The following MAN2A1 variants were observed in gnomAD, a reference collection of about 807,000 sequenced individuals.
MAN2A1 encodes mannosidase alpha class 2A member 1.
Under a neutral mutation model 142.6 loss-of-function variants are expected in MAN2A1, and 76 were observed. The observed-to-expected ratio is 0.53, with a 90% CI of 0.44 to 0.65. The LOEUF (loss-of-function observed/expected upper bound fraction) is 0.65, where lower values mean the gene tolerates loss of function less well. Ranked by LOEUF, MAN2A1 falls within the 30% of genes least tolerant of loss-of-function variation. The probability of loss-of-function intolerance (pLI) is 0.00; values close to 1 mark genes in which losing one functional copy is unlikely to be tolerated. For missense variants in MAN2A1, 1,311 were observed against 1,365.1 expected (o/e 0.96, Z 0.62); for synonymous variants, 559 against 473.2 (o/e 1.18, Z -2.35).
chr5:109,838,637 A>T (rs1370448395), intron 16 of MAN2A1, among the ~76,000 whole-genome samples: 1 of 152,190 alleles, frequency 6.6e-6, no homozygotes, highest in African/African-American at 2.4e-5. Context: ...TAAAAAAATA[A>T]TAAATTATCA....
rs373408616 is a variant in MAN2A1 at position 109,842,413 on chromosome 5, T to C, written c.2652T>C (p.Ser884=). The change falls in exon 17 of 22, where the codon TCT becomes TCC. Residue 884 remains serine, a synonymous_variant. Transcript: ENST00000261483. ...GTGAGATTGCAATGAAAATTTCTTC[T>C]GATATAAAAAGCCAAAATAGATTTT... ...YNREIAMKIS[S]DIKSQNRFYT... 1 of 1,589,398 alleles carries C rather than the reference T, an allele frequency of 6.3e-7. No individual in the cohort carries two copies. The highest frequency in any genetic ancestry group is 1.3e-5 in the African/African-American group (1 of 74,222).
chr5:109,746,070 G>A (rs1752396098), intron 4 of MAN2A1, among the ~76,000 whole-genome samples: 1 of 152,192 alleles, frequency 6.6e-6, no homozygotes, highest in African/African-American at 2.4e-5. Flanking sequence ...TGCCTCCCAG[G>A]TTCAAGCAGT....
chr5:109,782,753 A>C (rs1753494602), intron 9 of MAN2A1, among the ~76,000 whole-genome samples: 1 of 152,142 alleles, frequency 6.6e-6, no homozygotes. Flanking sequence ...TATGCCAGAA[A>C]AATGTCTCAT....
At chr5:109,809,120 A>G (rs77896549) in intron 12 of MAN2A1, among the ~76,000 whole-genome samples, 3,157 of 152,282 alleles carry the variant, frequency 0.021, 54 homozygotes, top group Non-Finnish European at 0.032. Flanking sequence ...TGTATAAAGT[A>G]TGAAAAATAA....
At chr5:109,848,481 C>A (rs936684806) in intron 19 of MAN2A1, among the ~76,000 whole-genome samples, 3 of 152,184 alleles carry the variant, frequency 2.0e-5, no homozygotes, top group African/African-American at 7.2e-5. Flanking sequence ...CTCTTTTCAG[C>A]CAGTGATCGT....
At chr5:109,807,370 A>G (rs1351772859) in intron 12 of MAN2A1, among the ~76,000 whole-genome samples, 1 of 152,224 alleles carries the variant, frequency 6.6e-6, no homozygotes, top group African/African-American at 2.4e-5. Context: ...TAAATTACCA[A>G]CAAACTTAAT....
rs369253255 is a variant in MAN2A1, at chr5:109,759,660, C to T, written c.835+4204C>T. The stretch of plus-strand genomic sequence containing the variant: ...GCTATAGGATAAGTTTATGTTGCAG[C>T]TTATGTGAACTTTGAAAGAGTTTTC... On this transcript the variant is annotated intron_variant, in intron 5 of 21. Coordinates refer to ENST00000261483, the MANE Select transcript of MAN2A1 (RefSeq NM_002372.4). 9.2e-5 allele frequency among the ~76,000 whole-genome samples: 14 copies of T among 152,244 alleles called. 1 individual carries two copies. The highest frequency in any genetic ancestry group is 2.6e-4 in the Admixed American group (4 of 15,280).
In MAN2A1 at chr5:109,780,546, G is replaced by GTGTGTA. The variant is rs1554078300; in HGVS notation, c.1375-847_1375-846insGTATGT. 1.8e-4 allele frequency among the ~76,000 whole-genome samples: 27 copies of GTGTGTA among 149,286 alleles called. 2 individuals are homozygous for GTGTGTA. Among genetic ancestry groups the GTGTGTA allele is most frequent in the African/African-American group, 6.0e-4 (24 of 39,908 alleles). ...TGTGTGTGTGTGTGTGTGTGTGTGT[G>GTGTGTA]TGTATGTGTGTAGGAAACAACAAAA... On this transcript the variant is annotated intron_variant, in intron 8 of 21. Coordinates refer to ENST00000261483, the MANE Select transcript of MAN2A1 (RefSeq NM_002372.4).
chr5:109,857,082 A>G (rs1755641120), intron 20 of MAN2A1, among the ~76,000 whole-genome samples: 1 of 152,180 alleles, frequency 6.6e-6, no homozygotes, highest in Admixed American at 6.5e-5. Flanking sequence ...AAATCTGAAG[A>G]AGGTCAGAGA....
At chr5:109,797,260 T>TA (rs1270392293) in intron 12 of MAN2A1, among the ~76,000 whole-genome samples, 2 of 151,654 alleles carry the variant, frequency 1.3e-5, no homozygotes, top group African/African-American at 4.8e-5. Flanking sequence ...GAAAATTTTT[T>TA]TAAAAAAAGA....
chr5:109,781,594 T>G lies in MAN2A1; in HGVS notation c.1573T>G (p.Leu525Val), dbSNP rs534515164. 1.3e-6 allele frequency: 2 copies of G among 1,586,488 alleles called. No homozygotes were observed. The highest frequency in any genetic ancestry group is 1.4e-5 in the African/African-American group (1 of 73,604). ...AATGGACAGAATCATGGAATCTCAT[T>G]TAAGGTACTTTTACCTTTCTATAGC... ...KRMDRIMESHLRAAEILYYFA... is the reference protein window; with the variant it reads ...KRMDRIMESHVRAAEILYYFA... Residue 525 changes from leucine (L) to valine (V), a missense_variant, in exon 9 of 22, where the codon TTA becomes GTA. Leu to Val is a conservative substitution (Grantham distance 32, BLOSUM62 1). Transcript: ENST00000261483.
intron 1 of MAN2A1, among the ~76,000 whole-genome samples, chr5:109,705,292 A>C (rs1220431915): frequency 6.6e-6 from 1 of 152,128 alleles, no homozygotes; most frequent in Non-Finnish European, 1.5e-5. Context: ...AAATTTTTTA[A>C]TTGATTGATT....
chr5:109,821,047 G>A (rs76531899), intron 15 of MAN2A1, among the ~76,000 whole-genome samples: 2,011 of 152,190 alleles, frequency 0.013, 18 homozygotes, highest in Non-Finnish European at 0.02. Context: ...GACTATAAAG[G>A]TAGTAATACG....
At chr5:109,820,382 T>TA in intron 15 of MAN2A1, 40 bp downstream of exon 15, 1 of 1,563,070 alleles carries the variant, frequency 6.4e-7, no homozygotes, top group Non-Finnish European at 8.7e-7. Context: ...AATAAACACT[T>TA]ATTGAAAGAG....
At chr5:109,711,628 T>C (rs1475979415) in intron 1 of MAN2A1, among the ~76,000 whole-genome samples, 1 of 152,198 alleles carries the variant, frequency 6.6e-6, no homozygotes, top group African/African-American at 2.4e-5. Flanking sequence ...GGAATCTACA[T>C]GGTTCAACTA....
intron 1 of MAN2A1, among the ~76,000 whole-genome samples, chr5:109,706,946 A>G (rs943727266): frequency 6.6e-6 from 1 of 152,204 alleles, no homozygotes; most frequent in African/African-American, 2.4e-5. Flanking sequence ...ATGATAGGAA[A>G]TAGTCCAGAA....
chr5:109,719,513 G>A (rs1366132808), intron 3 of MAN2A1, among the ~76,000 whole-genome samples: 2 of 152,108 alleles, frequency 1.3e-5, no homozygotes, highest in Non-Finnish European at 2.9e-5. Context: ...ACACTATAAT[G>A]GGAAATCTTT....
chr5:109,840,454 G>A (rs1755170367), intron 16 of MAN2A1: 1 of 466,230 alleles, frequency 2.1e-6, no homozygotes, highest in Non-Finnish European at 4.3e-6. Flanking sequence ...CATCTTTGCT[G>A]CAACCACTGA....
At chr5:109,754,118 C>T (rs958836654) in intron 4 of MAN2A1, among the ~76,000 whole-genome samples, 2 of 151,922 alleles carry the variant, frequency 1.3e-5, no homozygotes, top group Admixed American at 6.6e-5. Flanking sequence ...CCTTATGTTG[C>T]CCAGGCTGGT....
Sources: gnomAD v4.1 joint callset for allele counts (sites outside exome capture counted in the v4.1 genomes callset) on GRCh38, gnomAD v4.1.1 for gene constraint, MANE v1.5 for transcripts, NCBI Gene and HGNC (gene_info 2026-07-23, HGNC 2026-07-21) for gene names.